TXNRD1: variants seen among roughly 807,000 people sequenced by gnomAD.
The protein encoded by TXNRD1 is thioredoxin reductase 1, cytoplasmic.
TXNRD1 carries 57 observed loss-of-function variants against 80.3 expected under a neutral mutation model. That is an observed-to-expected ratio of 0.71 (90% CI 0.57 to 0.89). The LOEUF (loss-of-function observed/expected upper bound fraction) is 0.89, where lower values mean the gene tolerates loss of function less well. Ranked by LOEUF, TXNRD1 falls within the 40% of genes least tolerant of loss-of-function variation. The probability of loss-of-function intolerance (pLI) is 0.00; values close to 1 mark genes in which losing one functional copy is unlikely to be tolerated. For synonymous variants in TXNRD1, 291 were observed against 285.2 expected, an observed-to-expected ratio of 1.02 and a Z score of -0.20; for missense variants, 730 against 803.0, an observed-to-expected ratio of 0.91 and a Z score of 1.10.
intron 1 of TXNRD1, among the ~76,000 whole-genome samples, chr12:104,226,440 G>A (rs2032474494): frequency 6.6e-6 from 1 of 152,084 alleles, no homozygotes; most frequent in Non-Finnish European, 1.5e-5. Flanking sequence ...AAGCAGAAGA[G>A]CCTGATATAA....
intron 1 of TXNRD1, among the ~76,000 whole-genome samples, chr12:104,239,771 C>T (rs1380329115): frequency 2.0e-5 from 3 of 152,148 alleles, no homozygotes; most frequent in African/African-American, 7.2e-5. Context: ...GCATGAGCCA[C>T]CACACCCAGC....
intron 4 of TXNRD1, among the ~76,000 whole-genome samples, chr12:104,290,062 T>C (rs566774168): frequency 1.3e-4 from 20 of 152,374 alleles, no homozygotes; most frequent in African/African-American, 4.8e-4. Flanking sequence ...CATGTGATTT[T>C]TGTCCTTATC....
At chr12:104,269,906 G>A (rs2033617895) in intron 3 of TXNRD1, among the ~76,000 whole-genome samples, 1 of 151,896 alleles carries the variant, frequency 6.6e-6, no homozygotes, top group Admixed American at 6.6e-5. Context: ...TAGAGACAGG[G>A]TCCCACTATG....
chr12:104,267,241 C>CTCTCTTTCTTTCTTTCTTTCTT, intron 3 of TXNRD1, among the ~76,000 whole-genome samples: 2 of 85,750 alleles, frequency 2.3e-5, no homozygotes, highest in East Asian at 7.9e-4. Flanking sequence ...ATTTTCTTTT[C>CTCTCTTTCTTTCTTTCTTTCTT]TCTTTCTTTC....
At chr12:104,261,274 C>T (rs2033363620) in intron 3 of TXNRD1, among the ~76,000 whole-genome samples, 1 of 152,100 alleles carries the variant, frequency 6.6e-6, no homozygotes, top group Non-Finnish European at 1.5e-5. Context: ...AGCGATTCTC[C>T]TGCCTCAGCC....
chr12:104,315,243 C>T (rs2035283078), intron 6 of TXNRD1, among the ~76,000 whole-genome samples: 1 of 152,204 alleles, frequency 6.6e-6, no homozygotes. Context: ...CACCTAACCT[C>T]CCGAACATCA....
chr12:104,294,046 G>A (rs1371573092), intron 4 of TXNRD1, among the ~76,000 whole-genome samples: 2 of 152,168 alleles, frequency 1.3e-5, no homozygotes, highest in South Asian at 2.1e-4. Context: ...ATTTACTACT[G>A]CTGTCTGGAA....
At chr12:104,225,109 G>C (rs1261892109) in intron 1 of TXNRD1, among the ~76,000 whole-genome samples, 1 of 152,114 alleles carries the variant, frequency 6.6e-6, no homozygotes, top group East Asian at 1.9e-4. Flanking sequence ...TAGGTGCTGG[G>C]GATCTGTGAG....
chr12:104,349,984 A>G lies in TXNRD1; in HGVS notation c.*1563A>G, dbSNP rs532567036. 2 of 152,438 alleles carry G rather than the reference A, an allele frequency of 1.3e-5. No homozygotes were observed. Among genetic ancestry groups the G allele is most frequent in the African/African-American group, 4.8e-5 (2 of 41,574 alleles). The allele number at this position is 152,438 out of a possible 1,614,324, so 9.4% of individuals were successfully genotyped here. ...GAGAGAGCAATTGAGGCAGTTGACC[A>G]TATTCAGTTTTATTTATTTATTTTT... On this transcript the variant is annotated 3_prime_UTR_variant, in exon 17 of 17. Coordinates refer to ENST00000525566, the MANE Select transcript of TXNRD1 (RefSeq NM_001093771.3).
At chr12:104,339,685 A>C (rs2036258474) in intron 16 of TXNRD1, among the ~76,000 whole-genome samples, 2 of 152,282 alleles carry the variant, frequency 1.3e-5, no homozygotes, top group Admixed American at 1.3e-4. Flanking sequence ...TCAAAAGATC[A>C]AATGACAGTA....
At chr12:104,283,599 A>G (rs2033921844) in intron 3 of TXNRD1, among the ~76,000 whole-genome samples, 2 of 151,296 alleles carry the variant, frequency 1.3e-5, no homozygotes, top group Non-Finnish European at 2.9e-5. Flanking sequence ...GGCTGGGTGC[A>G]GTGGCTCACA....
chr12:104,221,364 C>T (rs961401275), intron 1 of TXNRD1, among the ~76,000 whole-genome samples: 1 of 152,116 alleles, frequency 6.6e-6, no homozygotes, highest in Non-Finnish European at 1.5e-5. Flanking sequence ...GTTGCCCAGG[C>T]TGGAGTGCAT....
Position 104,215,791 on chromosome 12 carries a change from G to T in TXNRD1, c.-12G>T. ...CTTCGGCTCCGTCAGTTCCCACAGGGCCTTGTGCGACATGGGCTGCGCCGA... is the reference window on the plus strand; with the variant it reads ...CTTCGGCTCCGTCAGTTCCCACAGGTCCTTGTGCGACATGGGCTGCGCCGA... On this transcript the variant is annotated 5_prime_UTR_variant, in exon 1 of 17. Coordinates refer to ENST00000525566, the MANE Select transcript of TXNRD1 (RefSeq NM_001093771.3). 2 of 1,553,474 alleles carry T rather than the reference G, an allele frequency of 1.3e-6. No individual in the cohort carries two copies. The highest frequency in any genetic ancestry group is 1.7e-6 in the Non-Finnish European group (2 of 1,148,628).
chr12:104,307,182 A>G (rs1164275637), intron 4 of TXNRD1, among the ~76,000 whole-genome samples: 1 of 152,198 alleles, frequency 6.6e-6, no homozygotes, highest in Non-Finnish European at 1.5e-5. Flanking sequence ...CTTGAAGAAA[A>G]AAGGAGATTA....
rs144880574 is a variant in TXNRD1 at position 104,256,733 on chromosome 12, T to C, written c.244-1286T>C. 5.0e-3 allele frequency among the ~76,000 whole-genome samples: 697 copies of C among 138,524 alleles called. 2 individuals are homozygous for C. The highest frequency in any genetic ancestry group is 0.018 in the African/African-American group (669 of 36,534). 90.9% of individuals were successfully genotyped at this position (138,524 alleles called of 152,430 possible). The stretch of plus-strand genomic sequence containing the variant: ...AGGCAGAGATTGCAGTGAGCCGAGA[T>C]AGTGCCACTGCACTCCACTGGTGAC... On this transcript the variant is annotated intron_variant, in intron 2 of 16. Transcript: ENST00000525566.
chr12:104,267,724 T>G (rs563793154), intron 3 of TXNRD1, among the ~76,000 whole-genome samples: 144 of 131,566 alleles, frequency 1.1e-3, no homozygotes, highest in African/African-American at 3.5e-3. Context: ...TTTCTTTCTC[T>G]TTCTTTCTTT....
At chr12:104,227,638 A>C (rs1418568301) in intron 1 of TXNRD1, among the ~76,000 whole-genome samples, 2 of 152,162 alleles carry the variant, frequency 1.3e-5, no homozygotes, top group African/African-American at 2.4e-5. Context: ...GTTACCCCAC[A>C]AAATTTCACC....
At position 104,290,736 on chromosome 12, in the gene TXNRD1, T is replaced by TATAC. The variant is rs1253501877; in HGVS notation, c.414+1699_414+1700insCATA. On this transcript the variant is annotated intron_variant, in intron 4 of 16. Coordinates refer to ENST00000525566, the MANE Select transcript of TXNRD1 (RefSeq NM_001093771.3). ...AGAAATATACATATATATATATATA[T>TATAC]ATATATATATATATATATATATGTA... is the stretch of plus-strand genomic sequence containing the variant. Among the ~76,000 whole-genome samples, 3 of 109,302 alleles carry TATAC rather than the reference T, an allele frequency of 2.7e-5. 1 individual carries two copies. The highest frequency in any genetic ancestry group is 2.7e-4 in the Admixed American group (3 of 11,198). The allele number at this position is 109,302 out of a possible 152,430, so 71.7% of individuals were successfully genotyped here.
intron 4 of TXNRD1, among the ~76,000 whole-genome samples, chr12:104,299,175 A>T (rs1313676957): frequency 6.6e-6 from 1 of 152,148 alleles, no homozygotes; most frequent in African/African-American, 2.4e-5. Flanking sequence ...TTTTGGTATA[A>T]GTGGATCTGT....
Sources: allele counts gnomAD v4.1 joint callset (sites outside exome capture counted in the v4.1 genomes callset), GRCh38; gene constraint gnomAD v4.1.1; transcripts MANE v1.5; gene names NCBI Gene and HGNC (gene_info 2026-07-23, HGNC 2026-07-21).